KLRC1: variants seen among roughly 807,000 people sequenced by gnomAD.
KLRC1 encodes killer cell lectin like receptor C1.
In KLRC1, 22 loss-of-function variants were observed where a neutral mutation model predicts 25.9. The ratio of observed to expected loss-of-function variants is 0.85; its 90% CI spans 0.61 to 1.21. The LOEUF (loss-of-function observed/expected upper bound fraction) is 1.21, where lower values mean the gene tolerates loss of function less well. KLRC1 is among the 50% of genes most tolerant of loss of function. KLRC1 has a pLI of 0.00. For synonymous variants in KLRC1, 77 were observed against 93.1 expected, an observed-to-expected ratio of 0.83 and a Z score of 0.99; for missense variants, 240 against 272.2, an observed-to-expected ratio of 0.88 and a Z score of 0.83.
At chr12:10,449,693 C>T (rs890891744) in intron 4 of KLRC1, among the ~76,000 whole-genome samples, 11 of 152,084 alleles carry the variant, frequency 7.2e-5, no homozygotes, top group African/African-American at 2.2e-4. Context: ...TAACTTGTAT[C>T]TTATCATATT....
intron 5 of KLRC1, 142 bp downstream of exon 5, chr12:10,449,095 A>G (rs1864065105): frequency 1.8e-6 from 2 of 1,108,854 alleles, no homozygotes; most frequent in South Asian, 1.6e-5. Flanking sequence ...TTAAAACATT[A>G]TTAAGTCAAT....
At chr12:10,445,121 C>T (rs1305851371), downstream of KLRC1, among the ~76,000 whole-genome samples, 2 of 151,554 alleles carry the variant, frequency 1.3e-5, no homozygotes, top group African/African-American at 4.9e-5. Flanking sequence ...GGTTTCAGCA[C>T]GTTGGCTAGG....
rs1295265908 is a variant in KLRC1 at position 10,451,070 on chromosome 12, G to A, written c.87C>T (p.Asn29=). ...TTTCCTGTTCAGTTGCTAAAATGGA[G>A]TTTTTATTGCCTTTAGGTTTTCGTT... ...RQQRKPKGNK[N]SILATEQEIT... The change falls in exon 2 of 7, where the codon AAC becomes AAT. Residue 29 remains asparagine (N), a synonymous_variant. Transcript: ENST00000359151. The A allele has an allele frequency of 2.5e-6, 4 of 1,613,962 alleles. No homozygotes were observed. Among genetic ancestry groups the A allele is most frequent in the Non-Finnish European group, 3.4e-6 (4 of 1,179,888 alleles).
rs565267489 is a variant in KLRC1 at position 10,451,087 on chromosome 12, G to A, written c.70C>T (p.Pro24Ser). The change falls in exon 2 of 7, where the codon CCT becomes TCT. Residue 24 changes from proline to serine, a missense_variant. Physicochemically the swap from Pro to Ser is moderately conservative, Grantham distance 74. Coordinates refer to ENST00000359151, the MANE Select transcript of KLRC1 (RefSeq NM_002259.5). ...AAAATGGAGTTTTTATTGCCTTTAG[G>A]TTTTCGTTGCTGCCTCTTTGGGTTT... ...PPNPKRQQRK[P>S]KGNKNSILAT... 1 of 1,613,916 alleles carries A rather than the reference G, an allele frequency of 6.2e-7. No individual in the cohort carries two copies. The highest frequency in any genetic ancestry group is 2.2e-5 in the East Asian group (1 of 44,864).
intron 4 of KLRC1, 147 bp downstream of exon 4, chr12:10,449,767 T>C: frequency 3.4e-6 from 2 of 593,536 alleles, no homozygotes; most frequent in Admixed American, 3.9e-5. Flanking sequence ...TTATAGTTGA[T>C]GACAAGTGAA....
downstream of KLRC1, among the ~76,000 whole-genome samples, chr12:10,443,312 A>G (rs1401955141): frequency 7.1e-6 from 1 of 140,598 alleles, no homozygotes; most frequent in Non-Finnish European, 1.6e-5. Flanking sequence ...AAATTAAAAT[A>G]TTTAAACAAG....
At position 10,447,514 on chromosome 12, in the gene KLRC1, C is replaced by T. The variant is rs142263812; in HGVS notation, c.590+18G>A. 3.0e-4 allele frequency: 467 copies of T among 1,562,554 alleles called. 1 individual carries two copies. The African/African-American group carries it at 5.5e-3, about 18-fold the overall frequency. On this transcript the variant is annotated intron_variant, in intron 6 of 6. Coordinates refer to ENST00000359151, the MANE Select transcript of KLRC1 (RefSeq NM_002259.5). ...TTTATATATATATTGTTATATAGCG[C>T]CATACAAAACAACTTACTCATGTTT...
At chr12:10,443,726 G>A (rs1477886798), downstream of KLRC1, among the ~76,000 whole-genome samples, 5 of 140,704 alleles carry the variant, frequency 3.6e-5, no homozygotes, top group Non-Finnish European at 7.7e-5. Context: ...CAAATACACT[G>A]TAATCTCATA....
chr12:10,443,203 C>A (rs1434850686), downstream of KLRC1, among the ~76,000 whole-genome samples: 2 of 140,994 alleles, frequency 1.4e-5, 1 homozygote, highest in African/African-American at 5.4e-5. Flanking sequence ...ATGGAAACAC[C>A]ATTTTTACAT....
upstream of KLRC1, chr12:10,453,435 G>T: frequency 2.4e-6 from 2 of 843,286 alleles, no homozygotes; most frequent in Non-Finnish European, 2.9e-6. Flanking sequence ...TTCTACACAT[G>T]GGCTATTGTG....
At chr12:10,448,795 G>A (rs187397481) in intron 5 of KLRC1, among the ~76,000 whole-genome samples, 11 of 152,316 alleles carry the variant, frequency 7.2e-5, no homozygotes, top group African/African-American at 1.2e-4. Context: ...GCAGGTAAAC[G>A]TTATTTATAA....
At chr12:10,450,006 T>C in intron 3 of KLRC1, 39 bp from the exon 4 acceptor site, 2 of 1,319,976 alleles carry the variant, frequency 1.5e-6, no homozygotes, top group South Asian at 1.7e-5. Flanking sequence ...AAAATTAGCA[T>C]CTAAATCAAT....
downstream of KLRC1, among the ~76,000 whole-genome samples, chr12:10,445,609 G>A (rs570001266): frequency 6.6e-6 from 1 of 151,938 alleles, no homozygotes; most frequent in African/African-American, 2.4e-5. Context: ...CTACGTTATA[G>A]CATATAGATT....
chr12:10,450,403 C>T (rs1418080012), intron 3 of KLRC1, 81 bp downstream of exon 3: 11 of 753,146 alleles, frequency 1.5e-5, no homozygotes, highest in South Asian at 5.2e-5. Flanking sequence ...GAACTCTATT[C>T]CCTGAAAATA....
chr12:10,450,427 G>A (rs2734439), intron 3 of KLRC1, 57 bp downstream of exon 3: 1 of 910,490 alleles, frequency 1.1e-6, no homozygotes, highest in African/African-American at 1.7e-5. Flanking sequence ...AATGTTTAGA[G>A]GCACATTCAA....
intron 5 of KLRC1, 29 bp downstream of exon 5, chr12:10,449,208 A>T (rs2137893406): frequency 6.2e-7 from 1 of 1,613,156 alleles, no homozygotes; most frequent in Non-Finnish European, 8.5e-7. Context: ...GAAGCTTTTC[A>T]TAAAGTGTTT....
In KLRC1 at chr12:10,450,501, G is replaced by A. The variant is rs765817840; in HGVS notation, c.266C>T (p.Thr89Met). ...ICLILMASVV[T>M]IVVIPSTLIQ... ...AGACTTACAGGGAATAACAACTATCGTTACCACAGAGGCCATTAAGATAAG... is the reference window on the plus strand; with the variant it reads ...AGACTTACAGGGAATAACAACTATCATTACCACAGAGGCCATTAAGATAAG... The change falls in exon 3 of 7, where the codon ACG (threonine) becomes ATG (methionine). Residue 89 changes from threonine (T) to methionine (M), a missense_variant. Thr to Met is a moderately conservative substitution (Grantham distance 81). Coordinates refer to ENST00000359151, the MANE Select transcript of KLRC1 (RefSeq NM_002259.5). 11 of 1,599,646 alleles carry A rather than the reference G, an allele frequency of 6.9e-6. No individual in the cohort carries two copies. Among genetic ancestry groups the A allele is most frequent in the African/African-American group, 2.7e-5 (2 of 74,618 alleles).
chr12:10,453,415 G>A (rs528389160), upstream of KLRC1: 4 of 963,546 alleles, frequency 4.2e-6, no homozygotes, highest in South Asian at 9.6e-5. Context: ...ACTAAGGTTT[G>A]AACAGGAAAT....
chr12:10,453,241 G>C lies in KLRC1; in HGVS notation c.-75C>G, dbSNP rs1214835273. The C allele has an allele frequency of 2.0e-6, 2 of 985,168 alleles. No individual in the cohort carries two copies. The highest frequency in any genetic ancestry group is 1.7e-5 in the African/African-American group (1 of 57,206). 61.0% of individuals were successfully genotyped at this position (985,168 alleles called of 1,614,324 possible). A position where few individuals can be genotyped will look rare whatever the true frequency, so the allele number is the denominator to read the frequency against. Reference sequence around the variant, plus strand: ...CACACATCCTTTAGTGGAGAGGCCAGGTTAGTCTCATAAAAAGGCCTGCTA... The same window carrying C: ...CACACATCCTTTAGTGGAGAGGCCACGTTAGTCTCATAAAAAGGCCTGCTA... On this transcript the variant is annotated 5_prime_UTR_variant, in exon 1 of 7. Coordinates refer to ENST00000359151, the MANE Select transcript of KLRC1 (RefSeq NM_002259.5).
Sources: gnomAD v4.1 joint callset for allele counts (sites outside exome capture counted in the v4.1 genomes callset) on GRCh38, gnomAD v4.1.1 for gene constraint, MANE v1.5 for transcripts, NCBI Gene and HGNC (gene_info 2026-07-23, HGNC 2026-07-21) for gene names.